WDR19: variants seen among roughly 807,000 people sequenced by gnomAD.
WDR19 encodes WD repeat domain 19.
WDR19 carries 121 observed loss-of-function variants against 180.0 expected under a neutral mutation model. The observed-to-expected ratio is 0.67, with a 90% confidence interval of 0.58 to 0.78. WDR19 has a LOEUF of 0.78. WDR19 is among the 30% of genes least tolerant of loss of function. WDR19 has a pLI of 0.00. For missense variants in WDR19, 1,450 were observed against 1,640.7 expected (o/e 0.88, Z 2.01); for synonymous variants, 497 against 540.7 (o/e 0.92, Z 1.12).
chr4:39,215,860 G>A lies in WDR19; in HGVS notation c.981G>A (p.Trp327Ter), dbSNP rs1390489163. ...EENKGLGTLS[W>*]TDDGQLLALS... is the part of the protein sequence containing the mutation. ...TTTCAGGATTGGGTACCTTGTCCTG[G>A]ACTGATGATGGCCAGTTGCTAGCAC... is the stretch of plus-strand genomic sequence containing the variant. The change falls in exon 11 of 37, where the codon TGG (tryptophan) becomes TGA (stop). Residue 327 changes from tryptophan (W) to a stop codon, truncating the protein, a stop_gained. Transcript: ENST00000399820. LOFTEE classifies it high-confidence loss of function. 1 of 1,613,238 alleles carries A rather than the reference G, an allele frequency of 6.2e-7. No individual in the cohort carries two copies. The highest frequency in any genetic ancestry group is 2.2e-5 in the East Asian group (1 of 44,856).
At chr4:39,255,983 T>A in intron 27 of WDR19, 23 bp downstream of exon 27, 2 of 1,472,078 alleles carry the variant, frequency 1.4e-6, no homozygotes, top group South Asian at 2.4e-5. Flanking sequence ...CAAGAAAATA[T>A]ACACTGACTC....
chr4:39,275,863 A>C (rs192700793), intron 33 of WDR19, among the ~76,000 whole-genome samples: 150 of 152,328 alleles, frequency 9.8e-4, no homozygotes, highest in African/African-American at 3.4e-3. Context: ...CACAGGGCCC[A>C]CTGCCAGCAG....
intron 32 of WDR19, chr4:39,273,358 C>T (rs1735571257): frequency 2.6e-6 from 1 of 378,674 alleles, no homozygotes; most frequent in Admixed American, 5.1e-5. Context: ...GCACGGACCT[C>T]CAAGAGTCCC....
At chr4:39,204,044 A>T (rs1727647898) in intron 7 of WDR19, among the ~76,000 whole-genome samples, 1 of 151,730 alleles carries the variant, frequency 6.6e-6, no homozygotes, top group South Asian at 2.1e-4. Flanking sequence ...ACTCTATGAG[A>T]TGTGGTTAGC....
chr4:39,284,300 C>T (rs1432979044), intron 36 of WDR19, among the ~76,000 whole-genome samples: 2 of 146,844 alleles, frequency 1.4e-5, no homozygotes, highest in Non-Finnish European at 3.0e-5. Flanking sequence ...TATTCTAGTT[C>T]ACTGACCTTT....
intron 28 of WDR19, among the ~76,000 whole-genome samples, chr4:39,264,647 AT>A (rs1734607425): frequency 6.6e-6 from 1 of 152,006 alleles, no homozygotes; most frequent in Admixed American, 6.6e-5. Context: ...GGCTTTTCTC[AT>A]TGTAATGTCA....
chr4:39,231,648 T>G (rs1730876972), intron 17 of WDR19, 149 bp from the exon 18 acceptor site: 1 of 649,334 alleles, frequency 1.5e-6, no homozygotes, highest in East Asian at 3.0e-5. Context: ...GCTTAAGTGT[T>G]TTTTCATTAC....
At chr4:39,246,398 C>A (rs534741077) in intron 24 of WDR19, among the ~76,000 whole-genome samples, 1 of 152,242 alleles carries the variant, frequency 6.6e-6, no homozygotes, top group Non-Finnish European at 1.5e-5. Context: ...CGAATAGGAA[C>A]AGCTCCAGTC....
chr4:39,247,387 A>C (rs1435598241), intron 24 of WDR19, among the ~76,000 whole-genome samples: 1 of 152,180 alleles, frequency 6.6e-6, no homozygotes, highest in African/African-American at 2.4e-5. Flanking sequence ...AAGGTGGATA[A>C]AACCACAAAG....
chr4:39,212,404 A>G (rs1728639823), intron 9 of WDR19, among the ~76,000 whole-genome samples: 1 of 152,240 alleles, frequency 6.6e-6, no homozygotes, highest in Non-Finnish European at 1.5e-5. Context: ...GAATTCTTAG[A>G]CTTGAAACCA....
In WDR19 at chr4:39,186,617, G is replaced by T. The variant is rs1352656437; in HGVS notation, c.164+13G>T. 6.5e-7 allele frequency: 1 copy of T among 1,528,454 alleles called. No homozygotes were observed. The highest frequency in any genetic ancestry group is 8.8e-7 in the Non-Finnish European group (1 of 1,142,002). The allele number at this position is 1,528,454 out of a possible 1,614,324, so 94.7% of individuals were successfully genotyped here. A position where few individuals can be genotyped will look rare whatever the true frequency, so the allele number is the denominator to read the frequency against. On this transcript the variant is annotated intron_variant, in intron 3 of 36. Transcript: ENST00000399820. ...TTAACTTACCTGGGTAAGTACAGAA[G>T]TAGATTTAAAAAAACCTGTCAAGTT...
chr4:39,241,361 C>T (rs1001754168), intron 21 of WDR19, among the ~76,000 whole-genome samples: 6 of 152,048 alleles, frequency 3.9e-5, no homozygotes, highest in East Asian at 3.9e-4. Flanking sequence ...GCCGTGATGA[C>T]GGGTGCCTAT....
In WDR19 at chr4:39,245,383, A is replaced by T. The variant is rs1346537581; in HGVS notation, c.2660A>T (p.Asp887Val). ...TACCTTTCCAGGGCAAAAGTTGGTG[A>T]TCTTCTGCCCCACGTTTCTTCTCCT... ...IRSKNWAKVGDLLPHVSSPKI... is the reference protein window; with the variant it reads ...IRSKNWAKVGVLLPHVSSPKI... Residue 887 changes from aspartate to valine, a missense_variant, in exon 24 of 37, where the codon GAT becomes GTT. Transcript: ENST00000399820. The T allele has an allele frequency of 1.2e-6, 2 of 1,613,406 alleles. No homozygotes were observed. The highest frequency in any genetic ancestry group is 2.2e-5 in the East Asian group (1 of 44,868).
At chr4:39,239,871 G>A (rs1285490916) in intron 20 of WDR19, among the ~76,000 whole-genome samples, 2 of 152,142 alleles carry the variant, frequency 1.3e-5, no homozygotes, top group African/African-American at 2.4e-5. Context: ...TTTAAATCTT[G>A]TATTTGTAAA....
intron 9 of WDR19, among the ~76,000 whole-genome samples, chr4:39,206,341 C>T (rs780533643): frequency 3.9e-5 from 6 of 152,186 alleles, no homozygotes; most frequent in African/African-American, 7.2e-5. Context: ...CTCCCCATGG[C>T]AGTGGCAACA....
chr4:39,228,594 A>C lies in WDR19; in HGVS notation c.1886A>C (p.Asn629Thr), dbSNP rs759379989. Reference protein sequence around the residue: ...TCQTQSGKVNNIYLSTHGFLS... With the variant: ...TCQTQSGKVNTIYLSTHGFLS... Reference sequence around the variant, plus strand: ...CAAACACAGAGTGGAAAAGTAAACAACATCTACCTTAGCACCCATGGCTTT... The same window carrying C: ...CAAACACAGAGTGGAAAAGTAAACACCATCTACCTTAGCACCCATGGCTTT... The change falls in exon 17 of 37, where the codon AAC (asparagine) becomes ACC (threonine). Residue 629 changes from asparagine (N) to threonine (T), a missense_variant. Physicochemically the swap from Asn to Thr is moderately conservative, Grantham distance 65. Transcript: ENST00000399820. 6.2e-7 allele frequency: 1 copy of C among 1,613,894 alleles called. No homozygotes were observed. Among genetic ancestry groups the C allele is most frequent in the African/African-American group, 1.3e-5 (1 of 75,026 alleles).
intron 25 of WDR19, among the ~76,000 whole-genome samples, chr4:39,253,675 A>T (rs1239430207): frequency 4.0e-5 from 6 of 151,896 alleles, no homozygotes; most frequent in Non-Finnish European, 8.8e-5. Context: ...GCTACTTGGG[A>T]GGCTGAGGCA....
intron 28 of WDR19, among the ~76,000 whole-genome samples, chr4:39,264,921 GTT>G (rs10647012): frequency 3.5e-5 from 5 of 141,980 alleles, no homozygotes; most frequent in Admixed American, 2.1e-4. Context: ...TGGAGATGAC[GTT>G]TTTTTTTTTT....
intron 3 of WDR19, among the ~76,000 whole-genome samples, chr4:39,188,944 A>T (rs1197698210): frequency 1.3e-5 from 2 of 150,496 alleles, no homozygotes; most frequent in East Asian, 3.9e-4. Flanking sequence ...TTTGGTAGAG[A>T]TGGGACCTTG....
Sources: allele counts gnomAD v4.1 joint callset (sites outside exome capture counted in the v4.1 genomes callset), GRCh38; gene constraint gnomAD v4.1.1; transcripts MANE v1.5; gene names NCBI Gene and HGNC (gene_info 2026-07-23, HGNC 2026-07-21).